TSPAN9: variants seen among roughly 807,000 people sequenced by gnomAD.
The protein encoded by TSPAN9 is tetraspanin-9.
Under a neutral mutation model 31.0 loss-of-function variants are expected in TSPAN9, and 16 were observed. The ratio of observed to expected loss-of-function variants is 0.52; its 90% CI spans 0.35 to 0.78. The LOEUF (loss-of-function observed/expected upper bound fraction) is 0.78, where lower values mean the gene tolerates loss of function less well. Ranked by LOEUF, TSPAN9 falls within the 30% of genes least tolerant of loss-of-function variation. The pLI is 0.01. For missense variants in TSPAN9, 272 were observed against 312.5 expected (o/e 0.87, Z 0.98); for synonymous variants, 145 against 121.6 (o/e 1.19, Z -1.27).
chr12:3,148,439 C>T (rs931044343), intron 2 of TSPAN9, among the ~76,000 whole-genome samples: 13 of 152,194 alleles, frequency 8.5e-5, no homozygotes, highest in Non-Finnish European at 5.9e-5. Context: ...TCCAGCAGCT[C>T]GGGCTGGGTT....
intron 3 of TSPAN9, among the ~76,000 whole-genome samples, chr12:3,252,694 C>T (rs1207750853): frequency 6.6e-6 from 1 of 152,244 alleles, no homozygotes; most frequent in African/African-American, 2.4e-5. Flanking sequence ...ATATAACCCT[C>T]CTGTTAGCCA....
At chr12:3,252,380 C>T (rs1405630316) in intron 3 of TSPAN9, among the ~76,000 whole-genome samples, 6 of 152,350 alleles carry the variant, frequency 3.9e-5, no homozygotes, top group Middle Eastern at 3.4e-3. Context: ...GGGAATGGCA[C>T]GCAGGAATGT....
chr12:3,096,131 T>TGCC (rs1334052746), intron 2 of TSPAN9, among the ~76,000 whole-genome samples: 2 of 152,204 alleles, frequency 1.3e-5, no homozygotes, highest in African/African-American at 4.8e-5. Context: ...CGGCGGCGGC[T>TGCC]GCCGCTTGTG....
At chr12:3,109,286 G>GTGTGTGTGTGTA (rs2098316813) in intron 2 of TSPAN9, among the ~76,000 whole-genome samples, 1 of 131,674 alleles carries the variant, frequency 7.6e-6, no homozygotes, top group African/African-American at 3.5e-5. Context: ...GTGTGTGTGT[G>GTGTGTGTGTGTA]TGTGTGTGTG....
chr12:3,268,917 C>CCT (rs746224415), intron 3 of TSPAN9, among the ~76,000 whole-genome samples: 1 of 100,316 alleles, frequency 1.0e-5, no homozygotes, highest in Non-Finnish European at 1.9e-5. Flanking sequence ...TGCAGCCTGC[C>CCT]CTGTGTTCCT....
chr12:3,151,349 G>A (rs979769647), intron 2 of TSPAN9: 1 of 152,298 alleles, frequency 6.6e-6, no homozygotes, highest in African/African-American at 2.4e-5. Context: ...AATTGGGCAC[G>A]AAGCCCGTGG....
rs1419828969 is a variant in TSPAN9 at position 3,184,972 on chromosome 12, A to G, written c.-17-16205A>G. 2.0e-5 allele frequency among the ~76,000 whole-genome samples: 3 copies of G among 152,110 alleles called. No homozygotes were observed. The East Asian group carries it at 5.8e-4, about 29-fold the overall frequency. On this transcript the variant is annotated intron_variant, in intron 2 of 8. Coordinates refer to ENST00000011898, the MANE Select transcript of TSPAN9 (RefSeq NM_006675.5). ...AGGGAGGCATCCTTGCTTTGTTACT[A>G]AACTCCGCTGGTTCCTTGGTTCTAT...
At chr12:3,171,303 C>A (rs1468550629) in intron 2 of TSPAN9, among the ~76,000 whole-genome samples, 1 of 152,140 alleles carries the variant, frequency 6.6e-6, no homozygotes, top group Non-Finnish European at 1.5e-5. Context: ...TGTTTTTCCT[C>A]CTGGTTTTGT....
intron 2 of TSPAN9, among the ~76,000 whole-genome samples, chr12:3,150,697 T>A (rs550493692): frequency 4.0e-4 from 61 of 152,318 alleles, no homozygotes; most frequent in South Asian, 1.2e-3. Context: ...AGCTGGGGGT[T>A]GCCTTAGCTA....
intron 2 of TSPAN9, among the ~76,000 whole-genome samples, chr12:3,194,694 TCTTTA>T (rs1254840386): frequency 6.6e-6 from 1 of 152,226 alleles, no homozygotes; most frequent in Non-Finnish European, 1.5e-5. Flanking sequence ...GCCTTTCTTT[TCTTTA>T]CTAGTCTCAG....
rs1175778363 is a variant in TSPAN9, at chr12:3,280,769, G to T, written c.432+286G>T. On this transcript the variant is annotated intron_variant, in intron 6 of 8. Coordinates refer to ENST00000011898, the MANE Select transcript of TSPAN9 (RefSeq NM_006675.5). This position sits in a 1 kb window ranked among gnomAD's most constrained non-coding sequence, Gnocchi z 4.5. ...ATTTTAGCAACAGATTTGCCTCCAT[G>T]ATGGGGCTTGGCTTAGGTGAGGAGG... 6.6e-6 allele frequency among the ~76,000 whole-genome samples: 1 copy of T among 152,236 alleles called. No individual in the cohort carries two copies. The highest frequency in any genetic ancestry group is 2.1e-4 in the South Asian group (1 of 4,828).
Position 3,175,367 on chromosome 12 carries a change from G to A in TSPAN9, c.-17-25810G>A, listed in dbSNP as rs1009134058. Among the ~76,000 whole-genome samples the A allele has an allele frequency of 3.3e-5, 5 of 152,222 alleles. No homozygotes were observed. The East Asian group carries it at 7.7e-4, about 23-fold the overall frequency. On this transcript the variant is annotated intron_variant, in intron 2 of 8. Transcript: ENST00000011898. ...AGGTGGAGGTCAGCGCCCGGCAGGG[G>A]CCTGCCAAGCTGTGGCAGCCCCTGT...
chr12:3,212,076 A>G (rs1196847812), intron 3 of TSPAN9, among the ~76,000 whole-genome samples: 1 of 152,150 alleles, frequency 6.6e-6, no homozygotes, highest in Non-Finnish European at 1.5e-5. Flanking sequence ...GGTTCAAGCA[A>G]TTCTTATGCC....
chr12:3,160,161 A>T (rs1565597260), intron 2 of TSPAN9, among the ~76,000 whole-genome samples: 1 of 152,142 alleles, frequency 6.6e-6, no homozygotes, highest in Non-Finnish European at 1.5e-5. Flanking sequence ...TATATTGTGG[A>T]TGCTTATTTT....
At chr12:3,259,481 G>A (rs149808520) in intron 3 of TSPAN9, among the ~76,000 whole-genome samples, 1,687 of 152,320 alleles carry the variant, frequency 0.011, 11 homozygotes, top group Middle Eastern at 0.041. Context: ...GTGCATCACC[G>A]TAGGGGTGCA....
intron 2 of TSPAN9, chr12:3,151,567 G>A (rs1591649811): frequency 6.6e-6 from 1 of 152,190 alleles, no homozygotes; most frequent in East Asian, 1.9e-4. Flanking sequence ...GGTGGGCACT[G>A]GGGCTGCGCA....
At chr12:3,111,605 CT>C (rs59487749) in intron 2 of TSPAN9, among the ~76,000 whole-genome samples, 3,106 of 136,116 alleles carry the variant, frequency 0.023, 62 homozygotes, top group Admixed American at 0.06. Context: ...CGTGCATTAC[CT>C]TTTTTTTTTT....
intron 2 of TSPAN9, among the ~76,000 whole-genome samples, chr12:3,175,685 A>C (rs978540747): frequency 6.6e-6 from 1 of 152,218 alleles, no homozygotes; most frequent in Admixed American, 6.5e-5. Context: ...TCGCTGTTGC[A>C]GTAAGTACCT....
intron 2 of TSPAN9, among the ~76,000 whole-genome samples, chr12:3,108,620 A>G (rs1214042817): frequency 6.6e-6 from 1 of 152,072 alleles, no homozygotes; most frequent in Non-Finnish European, 1.5e-5. Flanking sequence ...TTCTTGAGTT[A>G]CTTCACTGAT....
Sources: gnomAD v4.1 joint callset for allele counts (sites outside exome capture counted in the v4.1 genomes callset) on GRCh38, gnomAD v4.1.1 for gene constraint, Gnocchi (gnomAD v3.1) non-coding constraint, MANE v1.5 for transcripts, NCBI Gene and HGNC (gene_info 2026-07-23, HGNC 2026-07-21) for gene names.